The following ARFGEF3 variants were observed in gnomAD, a reference collection of about 807,000 sequenced individuals.
ARFGEF3 encodes the protein ARFGEF family member 3, also known as brefeldin A-inhibited guanine nucleotide-exchange protein 3.
A neutral mutation model predicts 221.7 loss-of-function variants in ARFGEF3; 96 were observed. The observed-to-expected ratio is 0.43, with a 90% confidence interval of 0.37 to 0.51. The LOEUF (loss-of-function observed/expected upper bound fraction) is 0.51. Ranked by LOEUF, ARFGEF3 falls within the 20% of genes least tolerant of loss-of-function variation. The pLI is 0.00. For missense variants in ARFGEF3, 2,410 were observed against 2,789.9 expected, an observed-to-expected ratio of 0.86 and a Z score of 3.07; for synonymous variants, 1,145 against 1,126.8, an observed-to-expected ratio of 1.02 and a Z score of -0.32.
At position 138,207,652 on chromosome 6, in the gene ARFGEF3, T is replaced by C. The variant is rs145803011; in HGVS notation, c.219+529T>C. Among the ~76,000 whole-genome samples, 935 of 152,310 alleles carry C rather than the reference T, an allele frequency of 6.1e-3. 6 individuals carry two copies. The highest frequency in any genetic ancestry group is 0.021 in the African/African-American group (863 of 41,570). On this transcript the variant is annotated intron_variant, in intron 3 of 33. Transcript: ENST00000251691. ...GATTTGCTTGAATACATTTTTTTGG[T>C]TTGTGTTTTACACCAAACATAATGG...
At chr6:138,229,679 CA>C in intron 4 of ARFGEF3, 104 bp from the exon 5 acceptor site, 3 of 849,050 alleles carry the variant, frequency 3.5e-6, no homozygotes, top group Non-Finnish European at 5.9e-6. Flanking sequence ...AAGCAAATAG[CA>C]AAGGAATCAT....
At position 138,169,180 on chromosome 6, in the gene ARFGEF3, C is replaced by T. The variant is rs115936867; in HGVS notation, c.86-1482C>T. Reference sequence around the variant, plus strand: ...GGAGCTGGGAGTGGAACCTGGTTCTCTTTGCTTTCCTTCTTGATGCTTCCA... The same window carrying T: ...GGAGCTGGGAGTGGAACCTGGTTCTTTTTGCTTTCCTTCTTGATGCTTCCA... On this transcript the variant is annotated intron_variant, in intron 1 of 33. Coordinates refer to ENST00000251691, the MANE Select transcript of ARFGEF3 (RefSeq NM_020340.5). Among the ~76,000 whole-genome samples, 447 of 152,308 alleles carry T rather than the reference C, an allele frequency of 2.9e-3. 4 individuals are homozygous for T. Among genetic ancestry groups the T allele is most frequent in the Middle Eastern group, 0.027 (8 of 294 alleles).
At chr6:138,209,405 A>G (rs1328727072) in intron 3 of ARFGEF3, among the ~76,000 whole-genome samples, 1 of 152,166 alleles carries the variant, frequency 6.6e-6, no homozygotes, top group African/African-American at 2.4e-5. Flanking sequence ...ATAATCCAAT[A>G]GCAGGAAAAG....
At chr6:138,218,453 T>A (rs1777917630) in intron 4 of ARFGEF3, 3 of 1,468,708 alleles carry the variant, frequency 2.0e-6, no homozygotes, top group Admixed American at 5.5e-5. Flanking sequence ...TTTTGTAAAT[T>A]ATTATACATC....
intron 5 of ARFGEF3, among the ~76,000 whole-genome samples, chr6:138,237,257 A>G (rs1196950671): frequency 2.6e-5 from 4 of 152,168 alleles, no homozygotes; most frequent in Non-Finnish European, 5.9e-5. Flanking sequence ...TAAATTTGCC[A>G]TGTAGGTGAG....
At chr6:138,328,609 C>T (rs1780167770) in intron 32 of ARFGEF3, among the ~76,000 whole-genome samples, 1 of 152,172 alleles carries the variant, frequency 6.6e-6, no homozygotes. Context: ...AAGACCTCTT[C>T]TCCAAATATA....
chr6:138,277,993 C>T (rs746074645), intron 12 of ARFGEF3, among the ~76,000 whole-genome samples: 2 of 152,128 alleles, frequency 1.3e-5, no homozygotes, highest in Non-Finnish European at 2.9e-5. Context: ...AATGCAAAGG[C>T]CCTGCGGCAG....
chr6:138,327,912 C>T (rs1031612347), intron 31 of ARFGEF3, 109 bp from the exon 32 acceptor site: 23 of 788,024 alleles, frequency 2.9e-5, no homozygotes, highest in Non-Finnish European at 4.0e-5. Context: ...AAACCATTAT[C>T]CTCATTTTAT....
chr6:138,323,337 C>T (rs746682930), intron 29 of ARFGEF3, among the ~76,000 whole-genome samples: 4 of 152,068 alleles, frequency 2.6e-5, no homozygotes, highest in Non-Finnish European at 5.9e-5. Flanking sequence ...TGTGGCCGGG[C>T]GCGGTGTCCC....
intron 24 of ARFGEF3, among the ~76,000 whole-genome samples, chr6:138,309,799 A>G (rs1338598331): frequency 1.3e-5 from 2 of 152,212 alleles, no homozygotes; most frequent in African/African-American, 2.4e-5. Flanking sequence ...AGCTCCAGAG[A>G]CAGAGACACA....
Position 138,263,283 on chromosome 6 carries a change from C to A in ARFGEF3, c.1800C>A (p.Asp600Glu). 7 of 1,613,982 alleles carry A rather than the reference C, an allele frequency of 4.3e-6. No homozygotes were observed. Among genetic ancestry groups the A allele is most frequent in the African/African-American group, 1.3e-5 (1 of 75,020 alleles). Residue 600 changes from aspartate to glutamate, a missense_variant, in exon 12 of 34, where the codon GAC becomes GAA. Physicochemically the swap from Asp to Glu is conservative, Grantham distance 45. Around this residue, in one of 5 missense-constraint regions of ARFGEF3, gnomAD observed 594 missense variants for 734.3 expected, o/e 0.81. Transcript: ENST00000251691. ...GTGAGAGCAATTTTAGCGTTGATGACCAAGACCTTTCTAGGACAGAGTTTG... is the reference window on the plus strand; with the variant it reads ...GTGAGAGCAATTTTAGCGTTGATGAACAAGACCTTTCTAGGACAGAGTTTG... Reference protein sequence around the residue: ...RYSESNFSVDDQDLSRTEFDS... With the variant: ...RYSESNFSVDEQDLSRTEFDS...
chr6:138,296,753 G>A, intron 20 of ARFGEF3, 57 bp from the exon 21 acceptor site: 2 of 1,580,408 alleles, frequency 1.3e-6, no homozygotes, highest in Non-Finnish European at 1.7e-6. Flanking sequence ...TGCTTGAATA[G>A]GTCAGACTAT....
intron 27 of ARFGEF3, among the ~76,000 whole-genome samples, chr6:138,317,612 A>G (rs958996589): frequency 5.3e-5 from 8 of 152,188 alleles, no homozygotes; most frequent in African/African-American, 1.4e-4. Flanking sequence ...TGTGGTGGCC[A>G]GTTAGTTGGA....
intron 31 of ARFGEF3, among the ~76,000 whole-genome samples, chr6:138,325,970 C>G (rs1001741109): frequency 2.6e-5 from 4 of 152,168 alleles, no homozygotes; most frequent in Admixed American, 1.3e-4. Context: ...GATTCTCCTG[C>G]CTCAGCCTCC....
chr6:138,162,081 G>A lies in ARFGEF3; in HGVS notation c.-6G>A, dbSNP rs776584026. ...TGGGCGGCGGCCCGGCGCCTGGAAG[G>A]TCAAGATGGAAGAAATCCTGAGGAA... On this transcript the variant is annotated 5_prime_UTR_variant, in exon 1 of 34. Transcript: ENST00000251691. This position sits in a 1 kb window ranked among gnomAD's most constrained non-coding sequence, Gnocchi z 4.7. 2 of 1,589,932 alleles carry A rather than the reference G, an allele frequency of 1.3e-6. No individual in the cohort carries two copies. Among genetic ancestry groups the A allele is most frequent in the Non-Finnish European group, 1.7e-6 (2 of 1,168,088 alleles).
intron 32 of ARFGEF3, among the ~76,000 whole-genome samples, chr6:138,333,374 A>ACTCT (rs1178483687): frequency 6.6e-6 from 1 of 152,204 alleles, no homozygotes. Flanking sequence ...GTCACAGTTA[A>ACTCT]CTCTCTGATA....
chr6:138,230,750 C>G (rs1778176799), intron 5 of ARFGEF3, among the ~76,000 whole-genome samples: 1 of 152,200 alleles, frequency 6.6e-6, no homozygotes, highest in Non-Finnish European at 1.5e-5. Context: ...CAGCTGACCT[C>G]TCATTACAAT....
intron 12 of ARFGEF3, among the ~76,000 whole-genome samples, chr6:138,265,095 G>A (rs1421756770): frequency 2.0e-5 from 3 of 152,056 alleles, no homozygotes; most frequent in Non-Finnish European, 4.4e-5. Context: ...AGTAGAGACA[G>A]GGTTTCGCTG....
chr6:138,285,368 G>A (rs1005206041), intron 14 of ARFGEF3, among the ~76,000 whole-genome samples: 5 of 151,152 alleles, frequency 3.3e-5, no homozygotes, highest in Admixed American at 2.0e-4. Flanking sequence ...GGAGAATGGC[G>A]TGAACCCAGG....
Sources: gnomAD v4.1 joint callset for allele counts (sites outside exome capture counted in the v4.1 genomes callset) on GRCh38, gnomAD v4.1.1 for gene constraint, gnomAD v4.1.1 regional missense constraint, Gnocchi (gnomAD v3.1) non-coding constraint, MANE v1.5 for transcripts, NCBI Gene and HGNC (gene_info 2026-07-23, HGNC 2026-07-21) for gene names.